The following CPNE4 variants were observed in gnomAD, a reference collection of about 807,000 sequenced individuals.
The protein encoded by CPNE4 is copine 4, also known as copine-4.
A neutral mutation model predicts 67.9 loss-of-function variants in CPNE4; 25 were observed. The observed-to-expected ratio is 0.37, with a 90% confidence interval of 0.27 to 0.51. The LOEUF (loss-of-function observed/expected upper bound fraction) is 0.51, where lower values mean the gene tolerates loss of function less well. CPNE4 is among the 20% of genes least tolerant of loss of function. CPNE4 has a pLI of 0.93. For missense variants in CPNE4, 464 were observed against 690.8 expected (o/e 0.67, Z 3.68); for synonymous variants, 242 against 244.9 (o/e 0.99, Z 0.11).
At chr3:131,892,168 G>T (rs1278702707) in intron 2 of CPNE4, among the ~76,000 whole-genome samples, 4 of 152,108 alleles carry the variant, frequency 2.6e-5, no homozygotes, top group Admixed American at 2.6e-4. Flanking sequence ...AAAAATCCTT[G>T]CTATAGGAGA....
intron 2 of CPNE4, among the ~76,000 whole-genome samples, chr3:131,755,939 A>G (rs1031513125): frequency 2.6e-5 from 4 of 152,158 alleles, no homozygotes; most frequent in Admixed American, 1.3e-4. Context: ...GTGTTCTTCC[A>G]TAAAGTTTCT....
chr3:131,619,390 G>A (rs762078946), intron 7 of CPNE4, among the ~76,000 whole-genome samples: 3 of 152,186 alleles, frequency 2.0e-5, no homozygotes, highest in Non-Finnish European at 2.9e-5. Flanking sequence ...TGCAGAGTCA[G>A]TCAGCATCCC....
At chr3:131,797,566 A>G (rs2083951405) in intron 2 of CPNE4, among the ~76,000 whole-genome samples, 1 of 152,212 alleles carries the variant, frequency 6.6e-6, no homozygotes, top group Admixed American at 6.5e-5. Flanking sequence ...GTTTTCATCT[A>G]TTCTGCAGGA....
chr3:132,010,393 T>C (rs568548114), intron 1 of CPNE4, among the ~76,000 whole-genome samples: 1 of 151,780 alleles, frequency 6.6e-6, no homozygotes, highest in South Asian at 2.1e-4. Flanking sequence ...AACGCTTCAA[T>C]AATCTGAGGA....
intron 2 of CPNE4, among the ~76,000 whole-genome samples, chr3:131,770,426 G>A (rs955866879): frequency 2.0e-5 from 3 of 152,206 alleles, no homozygotes; most frequent in South Asian, 2.1e-4. Flanking sequence ...CTTTCTCCCC[G>A]CAAAGCGGGG....
chr3:131,985,378 C>T (rs562738785), intron 1 of CPNE4, among the ~76,000 whole-genome samples: 2 of 152,128 alleles, frequency 1.3e-5, no homozygotes, highest in Non-Finnish European at 2.9e-5. Context: ...GGGACCCAAC[C>T]AAAGATATTA....
intron 1 of CPNE4, among the ~76,000 whole-genome samples, chr3:131,942,579 C>T: frequency 6.6e-6 from 1 of 151,654 alleles, no homozygotes; most frequent in Non-Finnish European, 1.5e-5. Flanking sequence ...TTTGATCTGG[C>T]ACCCCATGAC....
At chr3:131,610,070 A>G (rs1280549328) in intron 7 of CPNE4, among the ~76,000 whole-genome samples, 1 of 152,140 alleles carries the variant, frequency 6.6e-6, no homozygotes, top group East Asian at 1.9e-4. Flanking sequence ...ACACTAGTAT[A>G]ATACTTCCAC....
At chr3:131,656,584 A>G (rs572297225) in intron 7 of CPNE4, among the ~76,000 whole-genome samples, 1 of 152,338 alleles carries the variant, frequency 6.6e-6, no homozygotes, top group South Asian at 2.1e-4. Flanking sequence ...TTCTTTAAGC[A>G]TACATTTATT....
intron 2 of CPNE4, among the ~76,000 whole-genome samples, chr3:131,822,604 C>A (rs962998967): frequency 1.3e-5 from 2 of 152,080 alleles, no homozygotes; most frequent in African/African-American, 2.4e-5. Flanking sequence ...TACAGGGAAC[C>A]AAATGCCCAG....
At chr3:132,033,075 G>A (rs1049649378) in intron 1 of CPNE4, among the ~76,000 whole-genome samples, 3 of 152,268 alleles carry the variant, frequency 2.0e-5, no homozygotes, top group African/African-American at 7.2e-5. Context: ...GGGAATAGAA[G>A]AGTATGGAGA....
intron 2 of CPNE4, among the ~76,000 whole-genome samples, chr3:131,804,979 G>C (rs1030923604): frequency 6.6e-6 from 1 of 152,166 alleles, no homozygotes; most frequent in Admixed American, 6.5e-5. Flanking sequence ...TAAGCCACTA[G>C]GTTTTGAATG....
Position 131,723,761 on chromosome 3 carries a change from A to G in CPNE4, c.181-136T>C, listed in dbSNP as rs908801037. On this transcript the variant is annotated intron_variant, in intron 2 of 15. Coordinates refer to ENST00000429747, the MANE Select transcript of CPNE4 (RefSeq NM_130808.3). ...AGCAAGTCATTGGGTGGGCAGTCCA[A>G]AAGTACAAAGTACAGGCAATACCTT... is the stretch of plus-strand genomic sequence containing the variant. The G allele has an allele frequency of 1.2e-5, 8 of 664,450 alleles. No individual in the cohort carries two copies. The African/African-American group carries it at 1.4e-4, about 12-fold the overall frequency. 41.2% of individuals were successfully genotyped at this position (664,450 alleles called of 1,614,324 possible).
At chr3:131,793,026 C>T (rs1261732630) in intron 2 of CPNE4, among the ~76,000 whole-genome samples, 4 of 151,760 alleles carry the variant, frequency 2.6e-5, no homozygotes, top group Admixed American at 6.6e-5. Context: ...CTATAAGTGG[C>T]CCCACAATGC....
chr3:131,885,697 C>A (rs537032315), intron 2 of CPNE4, among the ~76,000 whole-genome samples: 9 of 152,176 alleles, frequency 5.9e-5, no homozygotes, highest in East Asian at 3.9e-4. Context: ...CTGCTCCCCC[C>A]ACCCCACAAC....
chr3:131,992,421 G>T (rs2073192209), intron 1 of CPNE4, among the ~76,000 whole-genome samples: 3 of 136,748 alleles, frequency 2.2e-5, no homozygotes, highest in African/African-American at 7.3e-5. Flanking sequence ...AATGGGGCCG[G>T]TAGCCCCTTT....
At chr3:131,723,356 G>A (rs531139516) in intron 3 of CPNE4, 90 bp downstream of exon 3, 17 of 1,175,342 alleles carry the variant, frequency 1.4e-5, no homozygotes, top group Admixed American at 2.2e-5. Context: ...ATAGGAAAAA[G>A]CAAGGATTAG....
intron 2 of CPNE4, among the ~76,000 whole-genome samples, chr3:131,792,925 G>GTGTGTGTATCTATA (rs58502463): frequency 0.011 from 1,528 of 135,186 alleles, 22 homozygotes; most frequent in South Asian, 0.058. Flanking sequence ...GTGTGTGTGT[G>GTGTGTGTATCTATA]TATCTCCAAC....
chr3:131,572,744 T>A (rs780205329), intron 10 of CPNE4, among the ~76,000 whole-genome samples: 3 of 152,066 alleles, frequency 2.0e-5, no homozygotes, highest in Non-Finnish European at 4.4e-5. Context: ...AAGGGTCACA[T>A]AATGTGCCAA....
Sources: allele counts gnomAD v4.1 joint callset (sites outside exome capture counted in the v4.1 genomes callset), GRCh38; gene constraint gnomAD v4.1.1; transcripts MANE v1.5; gene names NCBI Gene and HGNC (gene_info 2026-07-23, HGNC 2026-07-21).